Variants in NAV3 observed in about 807,000 individuals in gnomAD.
The protein encoded by NAV3 is neuron navigator 3.
A neutral mutation model predicts 244.7 loss-of-function variants in NAV3; 87 were observed. The ratio of observed to expected loss-of-function variants is 0.36; its 90% CI spans 0.30 to 0.42. The LOEUF is 0.42. Ranked by LOEUF, NAV3 falls within the 20% of genes least tolerant of loss-of-function variation. The probability of loss-of-function intolerance (pLI) is 1.00; values close to 1 mark genes in which losing one functional copy is unlikely to be tolerated. For missense variants in NAV3, 2,663 were observed against 2,893.3 expected (o/e 0.92, Z 1.83); for synonymous variants, 1,126 against 1,042.2 (o/e 1.08, Z -1.55).
At chr12:77,691,666 T>A (rs1338861503) in intron 2 of NAV3, among the ~76,000 whole-genome samples, 2 of 151,766 alleles carry the variant, frequency 1.3e-5, no homozygotes, top group Non-Finnish European at 3.0e-5. Flanking sequence ...TTTTCACAAA[T>A]GGTGTACCTT....
chr12:77,959,121 G>A (rs1417840974), intron 3 of NAV3, among the ~76,000 whole-genome samples: 2 of 152,176 alleles, frequency 1.3e-5, no homozygotes, highest in East Asian at 1.9e-4. Flanking sequence ...ATTATCTGCA[G>A]TTAGTTTCTT....
chr12:78,200,616 ATT>A (rs34801447), intron 38 of NAV3, 25 bp downstream of exon 38: 340 of 1,134,806 alleles, frequency 3.0e-4, no homozygotes, highest in African/African-American at 1.3e-3. Flanking sequence ...TTTCATTGCT[ATT>A]TTTTTTTAAA....
intron 1 of NAV3, among the ~76,000 whole-genome samples, chr12:77,858,256 A>G (rs1265069762): frequency 6.6e-6 from 1 of 151,998 alleles, no homozygotes; most frequent in Non-Finnish European, 1.5e-5. Context: ...TTCACTGTTC[A>G]TGGGAGGTGG....
upstream of NAV3, among the ~76,000 whole-genome samples, chr12:77,827,011 C>T (rs1006306661): frequency 4.3e-4 from 65 of 152,136 alleles, no homozygotes; most frequent in African/African-American, 1.4e-3. Context: ...CACCTGAGAT[C>T]AGGAGTTCGA....
At chr12:78,036,988 C>T (rs867606698) in intron 9 of NAV3, 5 of 702,840 alleles carry the variant, frequency 7.1e-6, no homozygotes, top group South Asian at 1.5e-5. Flanking sequence ...AGGAGACCCA[C>T]GGTGCGCATT....
chr12:78,177,815 A>G (rs1958307361), intron 28 of NAV3, 130 bp downstream of exon 28: 1 of 849,096 alleles, frequency 1.2e-6, no homozygotes, highest in Admixed American at 2.9e-5. Flanking sequence ...TGTTTTTTCA[A>G]CTAAAATTTG....
Position 78,142,686 on chromosome 12 carries a change from T to TATATAC in NAV3, c.4683+2357_4683+2358insCATATA, listed in dbSNP as rs1371573596. On this transcript the variant is annotated intron_variant, in intron 20 of 39. Transcript: ENST00000397909. ...GTATATATATACATATATATGTGTA[T>TATATAC]ATATATACATATGTATGTGTATATA... Among the ~76,000 whole-genome samples, 2 of 91,286 alleles carry TATATAC rather than the reference T, an allele frequency of 2.2e-5. 1 individual carries two copies. The highest frequency in any genetic ancestry group is 7.0e-4 in the East Asian group (2 of 2,850). The allele number at this position is 91,286 out of a possible 152,430, so 59.9% of individuals were successfully genotyped here. A position where few individuals can be genotyped will look rare whatever the true frequency, so the allele number is the denominator to read the frequency against.
At chr12:78,023,939 T>G (rs1877567825) in intron 9 of NAV3, among the ~76,000 whole-genome samples, 2 of 152,130 alleles carry the variant, frequency 1.3e-5, no homozygotes, top group South Asian at 4.1e-4. Context: ...AGCTTCTTAT[T>G]CTCATCATCA....
chr12:77,620,857 C>T lies in NAV3; in HGVS notation c.72+48591C>T, dbSNP rs543602076. ...GGCATTTATACAAAAAAGTTAAATG[C>T]GAAGTTGAAAATTTGGCAAGTTACA... On this transcript the variant is annotated intron_variant, in intron 2 of 8. Coordinates refer to the NAV3 transcript ENST00000550042. Among the ~76,000 whole-genome samples the T allele has an allele frequency of 3.9e-5, 6 of 152,040 alleles. No homozygotes were observed. In the South Asian group the frequency reaches 8.3e-4, roughly 21 times the overall value.
intron 2 of NAV3, among the ~76,000 whole-genome samples, chr12:77,573,082 G>A (rs1868905443): frequency 6.6e-6 from 1 of 152,160 alleles, no homozygotes. Flanking sequence ...ATAGGTGTGT[G>A]GGGACCCAGT....
chr12:77,700,943 T>G (rs896336006), intron 2 of NAV3, among the ~76,000 whole-genome samples: 3 of 151,346 alleles, frequency 2.0e-5, no homozygotes, highest in South Asian at 2.1e-4. Flanking sequence ...TATAAACTCT[T>G]TTATATTTAA....
At chr12:77,958,497 C>T (rs11107546) in intron 3 of NAV3, among the ~76,000 whole-genome samples, 52,760 of 151,942 alleles carry the variant, frequency 0.35, 9,553 homozygotes, top group African/African-American at 0.45. Flanking sequence ...ATTTCTATTA[C>T]ATTTGTTTAG....
At chr12:77,590,601 C>T (rs537445755) in intron 2 of NAV3, among the ~76,000 whole-genome samples, 8 of 152,266 alleles carry the variant, frequency 5.3e-5, no homozygotes, top group Admixed American at 2.0e-4. Flanking sequence ...ATCCGTACAA[C>T]AAATCCCCAT....
intron 9 of NAV3, chr12:78,036,870 C>A: frequency 2.9e-6 from 2 of 689,280 alleles, no homozygotes; most frequent in Non-Finnish European, 5.3e-6. Context: ...AATCATGCAG[C>A]GGCCTGCTGA....
chr12:78,201,072 C>CTTTTTT (rs549973376), intron 38 of NAV3, among the ~76,000 whole-genome samples: 9 of 90,306 alleles, frequency 1.0e-4, no homozygotes, highest in African/African-American at 3.0e-4. Context: ...TCTTCTCCTT[C>CTTTTTT]TTTTTTTTTT....
chr12:77,652,987 T>G (rs1872896248), intron 2 of NAV3, among the ~76,000 whole-genome samples: 1 of 152,242 alleles, frequency 6.6e-6, no homozygotes, highest in African/African-American at 2.4e-5. Flanking sequence ...CAATGGATGT[T>G]AATAGGGTTA....
At chr12:77,943,492 T>C (rs1890064917) in intron 3 of NAV3, among the ~76,000 whole-genome samples, 1 of 152,180 alleles carries the variant, frequency 6.6e-6, no homozygotes, top group African/African-American at 2.4e-5. Context: ...ATGAAATAAA[T>C]GTAACTTTTT....
At chr12:78,057,726 C>A (rs1883716509) in intron 11 of NAV3, among the ~76,000 whole-genome samples, 1 of 152,098 alleles carries the variant, frequency 6.6e-6, no homozygotes, top group South Asian at 2.1e-4. Flanking sequence ...ACAGATGAAG[C>A]AATTTAAACA....
At chr12:77,572,299 T>G (rs913526111) in intron 2 of NAV3, 1 of 154,350 alleles carries the variant, frequency 6.5e-6, no homozygotes, top group Non-Finnish European at 1.5e-5. Context: ...TGGTCCTTTT[T>G]GTTTACACTT....
Sources: gnomAD v4.1 joint callset for allele counts (sites outside exome capture counted in the v4.1 genomes callset) on GRCh38, gnomAD v4.1.1 for gene constraint, MANE v1.5 for transcripts, NCBI Gene and HGNC (gene_info 2026-07-23, HGNC 2026-07-21) for gene names.